CFAP73: variants seen among roughly 807,000 people sequenced by gnomAD.
CFAP73 encodes cilia- and flagella-associated protein 73.
Under a neutral mutation model 42.9 loss-of-function variants are expected in CFAP73, and 33 were observed. That is an observed-to-expected ratio of 0.77 (90% confidence interval 0.58 to 1.03). The LOEUF (loss-of-function observed/expected upper bound fraction) is 1.03, where lower values mean the gene tolerates loss of function less well. CFAP73 is among the 50% of genes least tolerant of loss of function. The probability of loss-of-function intolerance (pLI) is 0.00; values close to 1 mark genes in which losing one functional copy is unlikely to be tolerated. For synonymous variants in CFAP73, 162 were observed against 186.8 expected, an observed-to-expected ratio of 0.87 and a Z score of 1.08; for missense variants, 392 against 411.9, an observed-to-expected ratio of 0.95 and a Z score of 0.42.
chr12:113,153,806 G>T (rs1165612189), intron 4 of CFAP73, among the ~76,000 whole-genome samples: 1 of 151,838 alleles, frequency 6.6e-6, no homozygotes, highest in Non-Finnish European at 1.5e-5. Flanking sequence ...TCTCTATGTT[G>T]CCCAGGCTGG....
intron 6 of CFAP73, among the ~76,000 whole-genome samples, chr12:113,156,281 G>T (rs1264236242): frequency 6.6e-6 from 1 of 151,966 alleles, no homozygotes; most frequent in African/African-American, 2.4e-5. Context: ...TTTCTAGTGG[G>T]TATACCCAAA....
intron 6 of CFAP73, among the ~76,000 whole-genome samples, chr12:113,155,697 C>T (rs1330502355): frequency 6.6e-6 from 1 of 152,156 alleles, no homozygotes; most frequent in African/African-American, 2.4e-5. Flanking sequence ...TGGCTGGTCT[C>T]AATGCCCTCC....
chr12:113,154,272 T>C lies in CFAP73; in HGVS notation c.469-142T>C. On this transcript the variant is annotated intron_variant, in intron 4 of 7. Coordinates refer to ENST00000335621, the MANE Select transcript of CFAP73 (RefSeq NM_001144872.3). The surrounding 1 kb of genome is among the most constrained non-coding windows in gnomAD (Gnocchi z 4.7). ...CAGCCCAGGTGACAGAGCGAGACCT[T>C]GTCTCTAACAAATGGAGGTTGACAT... The C allele has an allele frequency of 1.9e-6, 2 of 1,046,462 alleles. No individual in the cohort carries two copies. Among genetic ancestry groups the C allele is most frequent in the Non-Finnish European group, 2.8e-6 (2 of 719,234 alleles). The allele number at this position is 1,046,462 out of a possible 1,614,324, so 64.8% of individuals were successfully genotyped here.
In CFAP73 at chr12:113,155,233, A is replaced by G; in HGVS notation, c.691-27A>G. On this transcript the variant is annotated intron_variant, in intron 5 of 7. Transcript: ENST00000335621. ...AGCCCGCCTTGGCCCAGTTGCCATA[A>G]TTGGGAGTGGGGCGGGTGTTCTCCA... The G allele has an allele frequency of 2.7e-6, 4 of 1,503,178 alleles. No homozygotes were observed. In the South Asian group the frequency reaches 5.1e-5, roughly 19 times the overall value. 93.1% of individuals were successfully genotyped at this position (1,503,178 alleles called of 1,614,324 possible). A position where few individuals can be genotyped will look rare whatever the true frequency, so the allele number is the denominator to read the frequency against.
In CFAP73 at chr12:113,152,906, G is replaced by C. The variant is rs1415224644; in HGVS notation, c.267+19G>C. On this transcript the variant is annotated intron_variant, in intron 3 of 7. Coordinates refer to ENST00000335621, the MANE Select transcript of CFAP73 (RefSeq NM_001144872.3). The stretch of plus-strand genomic sequence containing the variant: ...TTTGCAGGTAGGTGGAGCCTCCTGG[G>C]GGGGAGGCGGGGCCTATGGGTAGCA... 1 of 1,488,228 alleles carries C rather than the reference G, an allele frequency of 6.7e-7. No individual in the cohort carries two copies. Among genetic ancestry groups the C allele is most frequent in the Non-Finnish European group, 9.2e-7 (1 of 1,089,104 alleles). The allele number at this position is 1,488,228 out of a possible 1,614,324, so 92.2% of individuals were successfully genotyped here.
In CFAP73 at chr12:113,154,600, C is replaced by T; in HGVS notation, c.655C>T (p.Arg219Cys). 3.5e-6 allele frequency: 5 copies of T among 1,415,770 alleles called. No individual in the cohort carries two copies. The highest frequency in any genetic ancestry group is 4.6e-6 in the Non-Finnish European group (5 of 1,096,338). 87.7% of individuals were successfully genotyped at this position (1,415,770 alleles called of 1,614,324 possible). ...QGQRRAQLQE[R>C]LEAARERTLQ... ...CCAGCGGCGGGCACAGCTGCAGGAG[C>T]GCCTGGAGGCTGCCAGGGAGCGTAC... Residue 219 changes from arginine (R) to cysteine (C), a missense_variant, in exon 5 of 8, where the codon CGC becomes TGC. Coordinates refer to ENST00000335621, the MANE Select transcript of CFAP73 (RefSeq NM_001144872.3). The surrounding 1 kb of genome is among the most constrained non-coding windows in gnomAD (Gnocchi z 4.7).
chr12:113,152,102 G>A, intron 2 of CFAP73, 79 bp downstream of exon 2: 1 of 1,011,982 alleles, frequency 9.9e-7, no homozygotes, highest in Admixed American at 2.2e-5. Flanking sequence ...GACAAGGTCT[G>A]AGACAAGTCA....
chr12:113,156,166 C>T (rs555269327), intron 6 of CFAP73, among the ~76,000 whole-genome samples: 8 of 152,120 alleles, frequency 5.3e-5, no homozygotes, highest in Non-Finnish European at 1.0e-4. Flanking sequence ...GTTATCCTCC[C>T]GCCTCAGCCT....
At chr12:113,153,065 AG>A in intron 3 of CFAP73, 142 bp from the exon 4 acceptor site, 1 of 880,292 alleles carries the variant, frequency 1.1e-6, no homozygotes, top group Non-Finnish European at 1.6e-6. Context: ...CGGGCGGGGG[AG>A]TTGGGTGAAG....
At chr12:113,155,173 A>G in intron 5 of CFAP73, 87 bp from the exon 6 acceptor site, 1 of 1,268,602 alleles carries the variant, frequency 7.9e-7, no homozygotes, top group Non-Finnish European at 1.1e-6. Flanking sequence ...CCATCTCAAA[A>G]AGAAAAAAAA....
At chr12:113,157,539 G>A (rs747703497) in intron 6 of CFAP73, 63 bp from the exon 7 acceptor site, 78 of 1,408,244 alleles carry the variant, frequency 5.5e-5, no homozygotes, top group Non-Finnish European at 7.2e-5. Flanking sequence ...CCCGCGTGTT[G>A]AGGGGTGGGG....
intron 6 of CFAP73, among the ~76,000 whole-genome samples, chr12:113,155,823 C>T (rs1338326690): frequency 1.3e-5 from 2 of 152,298 alleles, no homozygotes; most frequent in South Asian, 2.1e-4. Context: ...CTTCATTAAT[C>T]TCTGGCCCTC....
At chr12:113,151,893 C>T in intron 1 of CFAP73, 25 bp from the exon 2 acceptor site, 27 of 1,511,616 alleles carry the variant, frequency 1.8e-5, no homozygotes, top group Non-Finnish European at 2.3e-5. Flanking sequence ...TCCTTCACCC[C>T]CACCTCCTAC....
At position 113,154,804 on chromosome 12, in the gene CFAP73, C is replaced by T. The variant is rs1952102191; in HGVS notation, c.690+169C>T. ...ACCGAGCCGTTTCGGGCATGAGGCCCCGCCCCATCCGCCTGCACAAGGCTC... is the reference window on the plus strand; with the variant it reads ...ACCGAGCCGTTTCGGGCATGAGGCCTCGCCCCATCCGCCTGCACAAGGCTC... On this transcript the variant is annotated intron_variant, in intron 5 of 7. Transcript: ENST00000335621. This position sits in a 1 kb window ranked among gnomAD's most constrained non-coding sequence, Gnocchi z 4.7. Among the ~76,000 whole-genome samples, 2 of 152,352 alleles carry T rather than the reference C, an allele frequency of 1.3e-5. No homozygotes were observed. The highest frequency in any genetic ancestry group is 4.1e-4 in the South Asian group (2 of 4,824).
Position 113,154,243 on chromosome 12 carries a change from A to T in CFAP73, c.469-171A>T, listed in dbSNP as rs928892698. On this transcript the variant is annotated intron_variant, in intron 4 of 7. Transcript: ENST00000335621. This position sits in a 1 kb window ranked among gnomAD's most constrained non-coding sequence, Gnocchi z 4.7. ...CAGTGAGCTATGATCGCGCCACTGC[A>T]CTCCAGCCCAGGTGACAGAGCGAGA... Among the ~76,000 whole-genome samples, 1 of 152,158 alleles carries T rather than the reference A, an allele frequency of 6.6e-6. No individual in the cohort carries two copies. Among genetic ancestry groups the T allele is most frequent in the Non-Finnish European group, 1.5e-5 (1 of 68,030 alleles).
In CFAP73 at chr12:113,153,209, A is replaced by G. The variant is rs1049514302; in HGVS notation, c.269A>G (p.Asp90Gly). 1.3e-6 allele frequency: 2 copies of G among 1,516,602 alleles called. No homozygotes were observed. The highest frequency in any genetic ancestry group is 1.8e-6 in the Non-Finnish European group (2 of 1,138,974). The allele number at this position is 1,516,602 out of a possible 1,614,324, so 93.9% of individuals were successfully genotyped here. A position where few individuals can be genotyped will look rare whatever the true frequency, so the allele number is the denominator to read the frequency against. ...TCTTCTCCCCACCGTACTCCCCAGG[A>G]CTCCGAGGCCCGGCGCAATCGCGCG... ...SFIRFDKFLQ[D>G]SEARRNRALR... Residue 90 changes from aspartate (D) to glycine (G), a missense_variant and splice_region_variant, in exon 4 of 8, where the codon GAC becomes GGC. By Grantham distance (94) the Asp-to-Gly change is moderately conservative (BLOSUM62 -1). Transcript: ENST00000335621.
At chr12:113,155,929 C>CTTTT (rs200795985) in intron 6 of CFAP73, among the ~76,000 whole-genome samples, 1 of 136,436 alleles carries the variant, frequency 7.3e-6, no homozygotes, top group Admixed American at 7.4e-5. Flanking sequence ...GTGCCATAGG[C>CTTTT]TTTTTTTTTT....
In CFAP73 at chr12:113,151,890, C is replaced by A. The variant is rs1431896253; in HGVS notation, c.57-28C>A. ...GGGGCCCTGAAACATGCTTCCTTCACCCCCACCTCCTACTTGAGCCTCTTC... is the reference window on the plus strand; with the variant it reads ...GGGGCCCTGAAACATGCTTCCTTCAACCCCACCTCCTACTTGAGCCTCTTC... On this transcript the variant is annotated intron_variant, in intron 1 of 7. Transcript: ENST00000335621. The A allele has an allele frequency of 5.3e-6, 8 of 1,496,192 alleles. No homozygotes were observed. In the Admixed American group the frequency reaches 1.4e-4, roughly 26 times the overall value. The allele number at this position is 1,496,192 out of a possible 1,614,324, so 92.7% of individuals were successfully genotyped here.
intron 4 of CFAP73, 48 bp downstream of exon 4, chr12:113,153,456 T>A (rs1443241769): frequency 1.5e-6 from 2 of 1,341,682 alleles, no homozygotes; most frequent in African/African-American, 3.1e-5. Context: ...CGCGTGGCGC[T>A]GAGTGGCTCA....
Sources: allele counts gnomAD v4.1 joint callset (sites outside exome capture counted in the v4.1 genomes callset), GRCh38; gene constraint gnomAD v4.1.1; non-coding constraint Gnocchi (gnomAD v3.1); transcripts MANE v1.5; gene names NCBI Gene and HGNC (gene_info 2026-07-23, HGNC 2026-07-21).